The following WNK2 variants were observed in gnomAD, a reference collection of about 807,000 sequenced individuals.
The protein encoded by WNK2 is WNK lysine deficient protein kinase 2, also known as serine/threonine-protein kinase WNK2.
In WNK2, 67 loss-of-function variants were observed where a neutral mutation model predicts 192.1. The observed-to-expected ratio is 0.35, with a 90% CI of 0.29 to 0.43. The LOEUF (loss-of-function observed/expected upper bound fraction) is 0.43, where lower values mean the gene tolerates loss of function less well. Ranked by LOEUF, WNK2 falls within the 20% of genes least tolerant of loss-of-function variation. The pLI is 1.00. For missense variants in WNK2, 2,698 were observed against 3,089.7 expected (o/e 0.87, Z 3.01); for synonymous variants, 1,439 against 1,393.9 (o/e 1.03, Z -0.72).
intron 2 of WNK2, among the ~76,000 whole-genome samples, chr9:93,189,180 C>G (rs552994034): frequency 5.1e-4 from 77 of 152,246 alleles, no homozygotes; most frequent in African/African-American, 1.7e-3. Context: ...TTTTCACCCC[C>G]TTTAACAACA....
Position 93,289,321 on chromosome 9 carries a change from GT to G in WNK2, c.4568del (p.Val1523AlafsTer66). On this transcript the variant is annotated frameshift_variant, in exon 20 of 30. Coordinates refer to ENST00000427277, the MANE Select transcript of WNK2 (RefSeq NM_006648.4). LOFTEE classifies it high-confidence loss of function. ...CCCAAGCCCACCCCTGGGGCCCACCGTCCCCCCACAGCCACCCTCGGCCCTG... is the reference window on the plus strand; with the variant it reads ...CCCAAGCCCACCCCTGGGGCCCACCGCCCCCCACAGCCACCCTCGGCCCTG... ...QLPSPPLGPT[V>X]PPQPPSALES... 1 of 1,601,006 alleles carries G rather than the reference GT, an allele frequency of 6.2e-7. No homozygotes were observed. The highest frequency in any genetic ancestry group is 8.5e-7 in the Non-Finnish European group (1 of 1,174,266).
rs1235353751 is a variant in WNK2, at chr9:93,262,091, T to C, written c.3344T>C (p.Val1115Ala). 2 of 1,600,758 alleles carry C rather than the reference T, an allele frequency of 1.2e-6. No individual in the cohort carries two copies. Among genetic ancestry groups the C allele is most frequent in the African/African-American group, 2.7e-5 (2 of 74,680 alleles). ...ASPCPTVQLT[V>A]EPVQEEQASQ... ...CCTTGCCCAACTGTCCAGCTGACGG[T>C]GGAACCAGTCCAAGAGGTGTGTGCC... Residue 1115 changes from valine (V) to alanine (A), a missense_variant, in exon 13 of 30, where the codon GTG becomes GCG. Transcript: ENST00000427277.
Position 93,259,391 on chromosome 9 carries a change from C to T in WNK2, c.2843C>T (p.Pro948Leu). Residue 948 changes from proline (P) to leucine (L), a missense_variant, in exon 12 of 30, where the codon CCC (proline) becomes CTC (leucine). By Grantham distance (98) the Pro-to-Leu change is moderately conservative (BLOSUM62 -3). Coordinates refer to ENST00000427277, the MANE Select transcript of WNK2 (RefSeq NM_006648.4). The surrounding 1 kb of genome is among the most constrained non-coding windows in gnomAD (Gnocchi z 4.8). ...CCACAGCCGGCACTGCCTCCACAAC[C>T]CACACTGCCCCCACAACCCGTGCTG... ...TPPQPALPPQPTLPPQPVLPP... is the reference protein window; with the variant it reads ...TPPQPALPPQLTLPPQPVLPP... The T allele has an allele frequency of 6.2e-7, 1 of 1,605,556 alleles. No homozygotes were observed. The highest frequency in any genetic ancestry group is 8.5e-7 in the Non-Finnish European group (1 of 1,175,630).
In WNK2 at chr9:93,267,886, C is replaced by G; in HGVS notation, c.3837C>G (p.His1279Gln). The G allele has an allele frequency of 6.2e-7, 1 of 1,612,834 alleles. No individual in the cohort carries two copies. Among genetic ancestry groups the G allele is most frequent in the Non-Finnish European group, 8.5e-7 (1 of 1,179,564 alleles). ...RGSDPGTSPP[H>Q]LSTCGLGTGE... is the part of the protein sequence containing the mutation. ...CCGACCCAGGGACCAGCCCGCCACA[C>G]CTCAGCACCTGCGGCCTGGGCACCG... Residue 1279 changes from histidine (H) to glutamine (Q), a missense_variant, in exon 17 of 30, where the codon CAC becomes CAG. Physicochemically the swap from His to Gln is conservative, Grantham distance 24. Around this residue, in one of 7 missense-constraint regions of WNK2, gnomAD observed 1,098 missense variants for 1,101.0 expected, o/e 1.00. Coordinates refer to ENST00000427277, the MANE Select transcript of WNK2 (RefSeq NM_006648.4).
intron 5 of WNK2, 24 bp downstream of exon 5, chr9:93,234,989 T>A: frequency 6.2e-7 from 1 of 1,613,476 alleles, no homozygotes; most frequent in Non-Finnish European, 8.5e-7. Flanking sequence ...GCCCCTTGGT[T>A]AATTAATAAG....
Position 93,288,957 on chromosome 9 carries a change from A to G in WNK2, c.4203A>G (p.Pro1401=). 1 of 1,605,638 alleles carries G rather than the reference A, an allele frequency of 6.2e-7. No individual in the cohort carries two copies. Among genetic ancestry groups the G allele is most frequent in the East Asian group, 2.2e-5 (1 of 44,748 alleles). The change falls in exon 20 of 30, where the codon CCA becomes CCG. Residue 1401 remains proline, a synonymous_variant. Coordinates refer to ENST00000427277, the MANE Select transcript of WNK2 (RefSeq NM_006648.4). ...CTCTGCCCCAAGATGGAGCAGCTCC[A>G]GCCACCAGCACCATGCCAGAGCCAG... The part of the protein sequence containing the change: ...VTALPQDGAA[P]ATSTMPEPAS...
At chr9:93,197,624 C>T (rs894489889) in intron 2 of WNK2, among the ~76,000 whole-genome samples, 7 of 152,028 alleles carry the variant, frequency 4.6e-5, no homozygotes, top group East Asian at 1.9e-4. Flanking sequence ...TGGGTTCAAG[C>T]GATTCTCCTG....
At chr9:93,285,593 A>G (rs1268836638) in intron 19 of WNK2, among the ~76,000 whole-genome samples, 1 of 152,252 alleles carries the variant, frequency 6.6e-6, no homozygotes. Context: ...GTAGGAAGAT[A>G]TGTACCATAT....
intron 2 of WNK2, among the ~76,000 whole-genome samples, chr9:93,191,313 C>T (rs1008541885): frequency 6.6e-6 from 1 of 152,112 alleles, no homozygotes; most frequent in Non-Finnish European, 1.5e-5. Flanking sequence ...CTGAAGGTTC[C>T]AGAGGCCTGT....
At chr9:93,319,376 G>A in intron 29 of WNK2, 1 of 985,426 alleles carries the variant, frequency 1.0e-6, no homozygotes, top group Non-Finnish European at 1.2e-6. Context: ...GTCCCCGGCA[G>A]GGGTCTGAGA....
intron 28 of WNK2, among the ~76,000 whole-genome samples, chr9:93,314,014 T>C (rs1428282412): frequency 6.6e-6 from 1 of 151,798 alleles, no homozygotes; most frequent in Non-Finnish European, 1.5e-5. Flanking sequence ...CTCACGCTTG[T>C]AATCCCAGCA....
intron 19 of WNK2, among the ~76,000 whole-genome samples, chr9:93,276,604 C>G (rs1021185575): frequency 6.6e-6 from 1 of 152,178 alleles, no homozygotes; most frequent in Non-Finnish European, 1.5e-5. Flanking sequence ...ATCTTTTGCT[C>G]TGTGAAAACT....
Position 93,259,254 on chromosome 9 carries a change from C to T in WNK2, c.2706C>T (p.Ala902=), listed in dbSNP as rs368180906. The change falls in exon 12 of 30, where the codon GCC becomes GCT. Residue 902 remains alanine (A), a synonymous_variant. Coordinates refer to ENST00000427277, the MANE Select transcript of WNK2 (RefSeq NM_006648.4). The surrounding 1 kb of genome is among the most constrained non-coding windows in gnomAD (Gnocchi z 4.8). ...TGGCTGCCCTGTCCATTCATTCTGC[C>T]GTGGCCCAGCTCCCAGGCCAACCTG... ...PGVAALSIHS[A]VAQLPGQPVY... is the part of the protein sequence containing the mutation. 6.0e-5 allele frequency: 97 copies of T among 1,613,474 alleles called. No individual in the cohort carries two copies. The Middle Eastern group carries it at 6.6e-4, about 11-fold the overall frequency.
intron 21 of WNK2, among the ~76,000 whole-genome samples, chr9:93,291,592 C>T (rs1480156569): frequency 6.6e-6 from 1 of 152,166 alleles, no homozygotes; most frequent in African/African-American, 2.4e-5. Flanking sequence ...GGTGTTGTTC[C>T]CTTGTGAGTT....
chr9:93,225,345 A>G (rs773602926), intron 2 of WNK2, among the ~76,000 whole-genome samples: 3 of 152,198 alleles, frequency 2.0e-5, no homozygotes, highest in Non-Finnish European at 1.5e-5. Context: ...GCAGTGAGCT[A>G]TGATCACACC....
chr9:93,256,806 G>A, intron 10 of WNK2, 142 bp from the exon 11 acceptor site: 4 of 788,914 alleles, frequency 5.1e-6, no homozygotes, highest in Non-Finnish European at 5.9e-6. Flanking sequence ...CTGTGCAAGT[G>A]TGTGTGTGCA....
rs904080146 is a variant in WNK2 at position 93,193,081 on chromosome 9, C to T, written c.681+7471C>T. Among the ~76,000 whole-genome samples the T allele has an allele frequency of 7.2e-5, 11 of 152,246 alleles. 2 individuals are homozygous for T. The East Asian group carries it at 1.4e-3, about 19-fold the overall frequency. On this transcript the variant is annotated intron_variant, in intron 2 of 29. Coordinates refer to ENST00000427277, the MANE Select transcript of WNK2 (RefSeq NM_006648.4). ...GTGTGTCTGGGTCTCCCTTGTGGTCCGTCCTGGCTGTGCAGCCGTGATGGG... is the reference window on the plus strand; with the variant it reads ...GTGTGTCTGGGTCTCCCTTGTGGTCTGTCCTGGCTGTGCAGCCGTGATGGG...
At chr9:93,248,415 T>A (rs1252910714) in intron 8 of WNK2, among the ~76,000 whole-genome samples, 1 of 152,240 alleles carries the variant, frequency 6.6e-6, no homozygotes, top group Non-Finnish European at 1.5e-5. Context: ...TCAGTCCCAC[T>A]CTGTGCTATG....
intron 19 of WNK2, among the ~76,000 whole-genome samples, chr9:93,276,551 A>G (rs1336970589): frequency 6.6e-6 from 1 of 152,242 alleles, no homozygotes; most frequent in Non-Finnish European, 1.5e-5. Context: ...CACCAAAAGT[A>G]TGATGTATAA....
Sources: gnomAD v4.1 joint callset for allele counts (sites outside exome capture counted in the v4.1 genomes callset) on GRCh38, gnomAD v4.1.1 for gene constraint, gnomAD v4.1.1 regional missense constraint, Gnocchi (gnomAD v3.1) non-coding constraint, MANE v1.5 for transcripts, NCBI Gene and HGNC (gene_info 2026-07-23, HGNC 2026-07-21) for gene names.